The following NUP93 variants were observed in gnomAD, a reference collection of about 807,000 sequenced individuals.
NUP93 encodes the protein nucleoporin 93, also known as nuclear pore complex protein Nup93.
A neutral mutation model predicts 107.8 loss-of-function variants in NUP93; 55 were observed. That is an observed-to-expected ratio of 0.51 (90% CI 0.41 to 0.64). NUP93 has a LOEUF of 0.64. NUP93 is among the 30% of genes least tolerant of loss of function. NUP93 has a pLI of 0.00. For synonymous variants in NUP93, 390 were observed against 397.5 expected (o/e 0.98, Z 0.22); for missense variants, 937 against 1,044.7 (o/e 0.90, Z 1.42).
chr16:56,780,490 TTTTG>T (rs1397561474), intron 3 of NUP93, among the ~76,000 whole-genome samples: 1 of 152,160 alleles, frequency 6.6e-6, no homozygotes, highest in African/African-American at 2.4e-5. Flanking sequence ...ACTTGGGGTT[TTTTG>T]TTTGTTTTTG....
chr16:56,733,290 C>T (rs1164277285), intron 1 of NUP93, among the ~76,000 whole-genome samples: 1 of 152,056 alleles, frequency 6.6e-6, no homozygotes, highest in East Asian at 1.9e-4. Flanking sequence ...CCCTGATGGA[C>T]TTAAGGCAGG....
intron 5 of NUP93, among the ~76,000 whole-genome samples, chr16:56,809,203 AC>A (rs1963259156): frequency 2.0e-5 from 3 of 152,126 alleles, no homozygotes; most frequent in African/African-American, 7.2e-5. Flanking sequence ...AGGGCTTGCC[AC>A]ACATTTACCA....
At chr16:56,736,595 C>T (rs988103902) in intron 1 of NUP93, among the ~76,000 whole-genome samples, 1 of 152,128 alleles carries the variant, frequency 6.6e-6, no homozygotes, top group African/African-American at 2.4e-5. Context: ...GAGTTAGAAC[C>T]TGGGAGACAG....
chr16:56,748,485 C>T lies in NUP93; in HGVS notation c.179+59C>T. The T allele has an allele frequency of 9.3e-6, 13 of 1,398,122 alleles. 1 individual carries two copies. The South Asian group carries it at 1.5e-4, about 16-fold the overall frequency. The allele number at this position is 1,398,122 out of a possible 1,614,324, so 86.6% of individuals were successfully genotyped here. Reference sequence around the variant, plus strand: ...GGTGGCTTGCGGGCAGGATCTGTTTCTTCTTTCCTGCCTTGAATTCAGATC... The same window carrying T: ...GGTGGCTTGCGGGCAGGATCTGTTTTTTCTTTCCTGCCTTGAATTCAGATC... On this transcript the variant is annotated intron_variant, in intron 2 of 21. Transcript: ENST00000308159.
intron 12 of NUP93, 80 bp downstream of exon 12, chr16:56,832,468 T>G: frequency 9.1e-7 from 1 of 1,097,518 alleles, no homozygotes; most frequent in Non-Finnish European, 1.4e-6. Context: ...GGGAAAATTT[T>G]TCATCTCTGA....
chr16:56,807,408 G>C (rs1963166570), intron 5 of NUP93, among the ~76,000 whole-genome samples: 1 of 152,090 alleles, frequency 6.6e-6, no homozygotes, highest in Non-Finnish European at 1.5e-5. Context: ...ATCCTTCTAT[G>C]TGCCATAGTA....
At chr16:56,773,570 TAG>T (rs1962359836) in intron 3 of NUP93, among the ~76,000 whole-genome samples, 1 of 152,244 alleles carries the variant, frequency 6.6e-6, no homozygotes. Flanking sequence ...TCAGTGATTG[TAG>T]AGTGTGGCGC....
At chr16:56,839,456 A>G (rs1259798131) in intron 19 of NUP93, 65 bp from the exon 20 acceptor site, 3 of 1,329,644 alleles carry the variant, frequency 2.3e-6, no homozygotes, top group African/African-American at 1.5e-5. Flanking sequence ...TGCTGACTTT[A>G]CATGTAGAGA....
At chr16:56,808,569 C>T (rs1367468817) in intron 5 of NUP93, among the ~76,000 whole-genome samples, 1 of 118,262 alleles carries the variant, frequency 8.5e-6, no homozygotes, top group South Asian at 2.5e-4. Context: ...TATATAAATA[C>T]ATTTATATAA....
chr16:56,800,342 C>A (rs79600951), intron 4 of NUP93, among the ~76,000 whole-genome samples: 1 of 152,056 alleles, frequency 6.6e-6, no homozygotes. Context: ...AACATTGATT[C>A]TCCTGCTGTA....
chr16:56,807,751 G>A (rs138522485), intron 5 of NUP93, among the ~76,000 whole-genome samples: 31 of 151,878 alleles, frequency 2.0e-4, no homozygotes, highest in East Asian at 3.9e-4. Context: ...GCCCGGGCGC[G>A]GTGGTTCACG....
At chr16:56,817,818 T>C (rs1424885319) in intron 5 of NUP93, among the ~76,000 whole-genome samples, 2 of 152,234 alleles carry the variant, frequency 1.3e-5, no homozygotes, top group African/African-American at 4.8e-5. Context: ...TATAGTAATA[T>C]GTTGTACAGG....
chr16:56,777,677 C>G (rs573158537), intron 3 of NUP93, among the ~76,000 whole-genome samples: 11 of 152,168 alleles, frequency 7.2e-5, no homozygotes, highest in African/African-American at 2.4e-4. Flanking sequence ...TCATTTTCCC[C>G]GAACTTCCGT....
At position 56,844,547 on chromosome 16, in the gene NUP93, C is replaced by A. The variant is rs374916243; in HGVS notation, c.2398C>A (p.Pro800Thr). 9 of 1,571,778 alleles carry A rather than the reference C, an allele frequency of 5.7e-6. No homozygotes were observed. The highest frequency in any genetic ancestry group is 6.9e-6 in the Non-Finnish European group (8 of 1,159,640). The change falls in exon 22 of 22, where the codon CCA becomes ACA. Residue 800 changes from proline (P) to threonine (T), a missense_variant. Physicochemically the swap from Pro to Thr is conservative, Grantham distance 38 (BLOSUM62 -1). Coordinates refer to ENST00000308159, the MANE Select transcript of NUP93 (RefSeq NM_014669.5). ...TCTGATTACCTTTGCTGGAATGATACCATACCGAACGTCTGGGGACACCAA... is the reference window on the plus strand; with the variant it reads ...TCTGATTACCTTTGCTGGAATGATAACATACCGAACGTCTGGGGACACCAA... ...RTLITFAGMI[P>T]YRTSGDTNAR...
chr16:56,836,658 T>G lies in NUP93; in HGVS notation c.1840T>G (p.Ser614Ala), dbSNP rs1299614557. The G allele has an allele frequency of 1.2e-6, 2 of 1,614,050 alleles. No individual in the cohort carries two copies. Among genetic ancestry groups the G allele is most frequent in the African/African-American group, 2.7e-5 (2 of 74,950 alleles). ...DTKPIINKVASVAENKGLFEE... is the reference protein window; with the variant it reads ...DTKPIINKVAAVAENKGLFEE... ...AAAGCCTATTATCAACAAAGTTGCT[T>G]CTGTGGCAGAAAATAAAGGACTGTT... Residue 614 changes from serine to alanine, a missense_variant, in exon 17 of 22, where the codon TCT (serine) becomes GCT (alanine). Physicochemically the swap from Ser to Ala is moderately conservative, Grantham distance 99 (BLOSUM62 1). Transcript: ENST00000308159.
chr16:56,736,117 G>A (rs888871610), intron 1 of NUP93, among the ~76,000 whole-genome samples: 2 of 152,318 alleles, frequency 1.3e-5, no homozygotes, highest in East Asian at 3.9e-4. Flanking sequence ...ATCACCTGAG[G>A]TCAGGAGTTC....
chr16:56,791,084 C>T (rs1486726314), intron 3 of NUP93, among the ~76,000 whole-genome samples: 1 of 151,846 alleles, frequency 6.6e-6, no homozygotes, highest in Non-Finnish European at 1.5e-5. Flanking sequence ...TTTGTAGCAC[C>T]CGGCACCTAT....
At chr16:56,826,584 T>C (rs1482774414) in intron 8 of NUP93, among the ~76,000 whole-genome samples, 2 of 152,124 alleles carry the variant, frequency 1.3e-5, no homozygotes, top group African/African-American at 4.8e-5. Flanking sequence ...TTGTTTGTTT[T>C]TCATTATAAA....
chr16:56,795,781 G>T (rs1962883580), intron 3 of NUP93, among the ~76,000 whole-genome samples: 1 of 151,982 alleles, frequency 6.6e-6, no homozygotes, highest in Non-Finnish European at 1.5e-5. Context: ...CGAGTAGCTG[G>T]GATTATAGGC....
Sources: gnomAD v4.1 joint callset for allele counts (sites outside exome capture counted in the v4.1 genomes callset) on GRCh38, gnomAD v4.1.1 for gene constraint, MANE v1.5 for transcripts, NCBI Gene and HGNC (gene_info 2026-07-23, HGNC 2026-07-21) for gene names.